DLGAP1: variants seen among roughly 807,000 people sequenced by gnomAD.
DLGAP1 encodes disks large-associated protein 1.
DLGAP1 carries 11 observed loss-of-function variants against 90.8 expected under a neutral mutation model. That is an observed-to-expected ratio of 0.12 (90% CI 0.08 to 0.20). DLGAP1 has a LOEUF of 0.20. DLGAP1 is among the 10% of genes least tolerant of loss of function. DLGAP1 has a pLI of 1.00. For missense variants in DLGAP1, 1,050 were observed against 1,333.8 expected (o/e 0.79, Z 3.31); for synonymous variants, 558 against 540.7 (o/e 1.03, Z -0.44).
chr18:3,654,783 C>A (rs1284892046), intron 7 of DLGAP1: 1 of 152,158 alleles, frequency 6.6e-6, no homozygotes, highest in Non-Finnish European at 1.5e-5. Flanking sequence ...GCTTGGCCTA[C>A]CACAGGCCTG....
chr18:3,879,326 ACCG>A lies in DLGAP1; in HGVS notation c.740_742del (p.Ala247del). 1 of 1,604,672 alleles carries A rather than the reference ACCG, an allele frequency of 6.2e-7. No homozygotes were observed. The highest frequency in any genetic ancestry group is 1.3e-5 in the African/African-American group (1 of 74,860). ...GTCGTTGTTGCTCCGGGAGGCCTTC[ACCG>A]CCTGCTCGCTGATGGTGTTGTAGGC... On this transcript the variant is annotated inframe_deletion, in exon 4 of 13. Transcript: ENST00000315677. The surrounding 1 kb of genome is among the most constrained non-coding windows in gnomAD (Gnocchi z 6.6).
chr18:3,753,541 G>T (rs1285249583), intron 5 of DLGAP1, among the ~76,000 whole-genome samples: 20 of 152,182 alleles, frequency 1.3e-4, no homozygotes, highest in Admixed American at 7.2e-4. Context: ...TAGGGAACTT[G>T]AAAAGTTCTG....
intron 1 of DLGAP1, among the ~76,000 whole-genome samples, chr18:4,159,916 G>A (rs2076817366): frequency 6.6e-6 from 1 of 152,142 alleles, no homozygotes; most frequent in African/African-American, 2.4e-5. Flanking sequence ...GGCAGCTTCA[G>A]GAATTTGGCT....
At chr18:4,053,160 T>C (rs1010911387) in intron 2 of DLGAP1, among the ~76,000 whole-genome samples, 7 of 152,228 alleles carry the variant, frequency 4.6e-5, no homozygotes, top group Admixed American at 2.0e-4. Context: ...TAATCTGTTC[T>C]CACACTGCTA....
rs569831512 is a variant in DLGAP1, at chr18:4,160,775, T to C, written c.-266-9488A>G. Among the ~76,000 whole-genome samples the C allele has an allele frequency of 3.1e-4, 47 of 152,320 alleles. No homozygotes were observed. The South Asian group carries it at 3.7e-3, about 12-fold the overall frequency. Reference sequence around the variant, plus strand: ...TTTTTATGAATTAATTTCCCCCTTCTTATTTAATTCCTTAATATAAGCCTG... The same window carrying C: ...TTTTTATGAATTAATTTCCCCCTTCCTATTTAATTCCTTAATATAAGCCTG... On this transcript the variant is annotated intron_variant, in intron 1 of 12. Transcript: ENST00000315677.
intron 6 of DLGAP1, among the ~76,000 whole-genome samples, chr18:3,733,334 T>A (rs2062514582): frequency 6.6e-6 from 1 of 152,242 alleles, no homozygotes; most frequent in South Asian, 2.1e-4. Flanking sequence ...TGCTTTATGA[T>A]GATACAAGAT....
intron 2 of DLGAP1, among the ~76,000 whole-genome samples, chr18:4,136,080 T>C (rs994619995): frequency 1.3e-5 from 2 of 151,908 alleles, no homozygotes; most frequent in African/African-American, 4.8e-5. Flanking sequence ...AGTGTTCTCA[T>C]TGTTCAATGT....
intron 5 of DLGAP1, among the ~76,000 whole-genome samples, chr18:3,790,458 G>A (rs1753769209): frequency 6.6e-6 from 1 of 151,536 alleles, no homozygotes; most frequent in South Asian, 2.1e-4. Context: ...GTGTAGAGAT[G>A]GGGTCTTGCT....
intron 8 of DLGAP1, among the ~76,000 whole-genome samples, chr18:3,575,433 A>C (rs1002072214): frequency 1.3e-5 from 2 of 152,204 alleles, no homozygotes; most frequent in South Asian, 4.1e-4. Context: ...GGAAATCATA[A>C]TGTACCATCA....
At chr18:3,708,635 T>C (rs1156668012) in intron 7 of DLGAP1, 6 of 426,644 alleles carry the variant, frequency 1.4e-5, no homozygotes, top group Non-Finnish European at 2.8e-5. Context: ...GCTTTAAATT[T>C]TGGGGCACAC....
chr18:4,126,061 T>C (rs1289598830), intron 2 of DLGAP1, among the ~76,000 whole-genome samples: 1 of 152,214 alleles, frequency 6.6e-6, no homozygotes, highest in Non-Finnish European at 1.5e-5. Context: ...CCAGCACAGC[T>C]GGACTCAGGC....
At chr18:3,559,512 T>G (rs2053949606) in intron 9 of DLGAP1, among the ~76,000 whole-genome samples, 3 of 152,134 alleles carry the variant, frequency 2.0e-5, no homozygotes, top group African/African-American at 7.2e-5. Flanking sequence ...TTTATATGAT[T>G]GAATTTTCTC....
At chr18:3,845,384 A>T in intron 4 of DLGAP1, 1 of 1,355,012 alleles carries the variant, frequency 7.4e-7, no homozygotes, top group Non-Finnish European at 9.7e-7. Flanking sequence ...TAAACACAGG[A>T]CTTGGGGGTG....
chr18:4,227,705 A>G (rs2078220782), intron 1 of DLGAP1, among the ~76,000 whole-genome samples: 1 of 151,760 alleles, frequency 6.6e-6, no homozygotes, highest in Non-Finnish European at 1.5e-5. Context: ...AGCAGTACTA[A>G]GAGGACATTT....
chr18:3,728,108 T>C (rs780014633), intron 7 of DLGAP1, among the ~76,000 whole-genome samples: 5 of 152,158 alleles, frequency 3.3e-5, no homozygotes, highest in Admixed American at 6.5e-5. Flanking sequence ...TGACATTTGA[T>C]GCACCTAGCA....
intron 7 of DLGAP1, among the ~76,000 whole-genome samples, chr18:3,701,233 C>A (rs1468000845): frequency 1.3e-5 from 2 of 152,120 alleles, no homozygotes; most frequent in Non-Finnish European, 2.9e-5. Flanking sequence ...CCAAATGCCA[C>A]ATGACTCAAG....
chr18:3,921,089 A>G (rs184588111), intron 3 of DLGAP1, among the ~76,000 whole-genome samples: 1 of 152,362 alleles, frequency 6.6e-6, no homozygotes, highest in East Asian at 1.9e-4. Context: ...TCTATAGCTC[A>G]ATAGAAGTAG....
chr18:3,688,766 C>A (rs745320531), intron 7 of DLGAP1, among the ~76,000 whole-genome samples: 14 of 152,058 alleles, frequency 9.2e-5, no homozygotes, highest in Non-Finnish European at 2.1e-4. Context: ...TTGCCCTCCC[C>A]CTCCCTCCTC....
In DLGAP1 at chr18:3,551,608, T is replaced by TTTTC. The variant is rs2053432704; in HGVS notation, c.2057+15881_2057+15882insGAAA. Among the ~76,000 whole-genome samples the TTTTC allele has an allele frequency of 4.3e-5, 4 of 93,514 alleles. 2 individuals carry two copies. Among genetic ancestry groups the TTTTC allele is most frequent in the East Asian group, 6.9e-4 (2 of 2,916 alleles). The allele number at this position is 93,514 out of a possible 152,430, so 61.3% of individuals were successfully genotyped here. On this transcript the variant is annotated intron_variant, in intron 9 of 12. Transcript: ENST00000315677. Reference sequence around the variant, plus strand: ...TTCTTTCTTTCTTTTTCTTTTTCTTTCTTTCTTTCTTTTTCTTTCTTTCTT... The same window carrying TTTTC: ...TTCTTTCTTTCTTTTTCTTTTTCTTTTTTCCTTTCTTTCTTTTTCTTTCTTTCTT...
Sources: allele counts gnomAD v4.1 joint callset (sites outside exome capture counted in the v4.1 genomes callset), GRCh38; gene constraint gnomAD v4.1.1; non-coding constraint Gnocchi (gnomAD v3.1); transcripts MANE v1.5; gene names NCBI Gene and HGNC (gene_info 2026-07-23, HGNC 2026-07-21).